SLC20A2: variants seen among roughly 807,000 people sequenced by gnomAD.
SLC20A2 encodes the protein sodium-dependent phosphate transporter 2.
Under a neutral mutation model 61.0 loss-of-function variants are expected in SLC20A2, and 30 were observed. The ratio of observed to expected loss-of-function variants is 0.49; its 90% CI spans 0.37 to 0.67. SLC20A2 has a LOEUF of 0.67. Ranked by LOEUF, SLC20A2 falls within the 30% of genes least tolerant of loss-of-function variation. The pLI, the probability that SLC20A2 is intolerant of heterozygous loss-of-function variation, is 0.00. For missense variants in SLC20A2, 626 were observed against 866.4 expected (o/e 0.72, Z 3.48); for synonymous variants, 351 against 353.3 (o/e 0.99, Z 0.07).
At chr8:42,464,835 C>A (rs183920661) in intron 3 of SLC20A2, among the ~76,000 whole-genome samples, 1 of 151,712 alleles carries the variant, frequency 6.6e-6, no homozygotes, top group Admixed American at 6.6e-5. Context: ...ATGAGCTGGG[C>A]GTGGTGGCAT....
At chr8:42,514,524 G>A (rs903779663) in intron 1 of SLC20A2, among the ~76,000 whole-genome samples, 10 of 152,134 alleles carry the variant, frequency 6.6e-5, no homozygotes, top group Non-Finnish European at 1.3e-4. Flanking sequence ...TTGGGAGGCC[G>A]AGGCAGGTGG....
chr8:42,522,746 C>G (rs1246859063), intron 1 of SLC20A2, among the ~76,000 whole-genome samples: 1 of 147,666 alleles, frequency 6.8e-6, no homozygotes, highest in African/African-American at 2.4e-5. Context: ...GTTCTGTCAC[C>G]CAGGTTGGAG....
chr8:42,492,709 G>A (rs937453218), intron 1 of SLC20A2, among the ~76,000 whole-genome samples: 3 of 149,218 alleles, frequency 2.0e-5, no homozygotes, highest in Admixed American at 2.0e-4. Flanking sequence ...TTTTTTTTGA[G>A]ACGGAGTTTC....
rs148941675 is a variant in SLC20A2 at position 42,493,764 on chromosome 8, C to A, written c.-265+7267G>T. Among the ~76,000 whole-genome samples the A allele has an allele frequency of 2.3e-3, 345 of 152,294 alleles. 4 individuals carry two copies. Among genetic ancestry groups the A allele is most frequent in the African/African-American group, 7.8e-3 (325 of 41,546 alleles). ...TAACAGAATTAACCTTTTTCAATGA[C>A]CAGTACACATCAGTTTACGTGGGTG... On this transcript the variant is annotated intron_variant, in intron 1 of 10. Transcript: ENST00000520262.
chr8:42,533,654 C>CTTTTTTTCTTTCTTTTTTTTT (rs1253260874), intron 1 of SLC20A2, among the ~76,000 whole-genome samples: 1 of 55,310 alleles, frequency 1.8e-5, no homozygotes, highest in Non-Finnish European at 3.3e-5. Context: ...ATCAACTGTT[C>CTTTTTTTCTTTCTTTTTTTTT]TTTTTTTTTT....
At chr8:42,455,294 C>T (rs1284711116) in intron 5 of SLC20A2, among the ~76,000 whole-genome samples, 2 of 119,806 alleles carry the variant, frequency 1.7e-5, no homozygotes, top group Non-Finnish European at 3.5e-5. Flanking sequence ...AGAGAGAGAG[C>T]GTGCGCATGC....
At chr8:42,419,958 C>A (rs1195110576) in intron 10 of SLC20A2, among the ~76,000 whole-genome samples, 1 of 152,106 alleles carries the variant, frequency 6.6e-6, no homozygotes, top group African/African-American at 2.4e-5. Flanking sequence ...GAGGCCAAGG[C>A]GGGCGGATAC....
chr8:42,441,773 G>C (rs968152384), intron 6 of SLC20A2, among the ~76,000 whole-genome samples: 2 of 151,658 alleles, frequency 1.3e-5, no homozygotes, highest in South Asian at 2.1e-4. Flanking sequence ...GGCCTATTTT[G>C]CTCATTTTTT....
At chr8:42,484,752 TG>T in intron 1 of SLC20A2, 2 of 350,538 alleles carry the variant, frequency 5.7e-6, no homozygotes, top group South Asian at 5.3e-5. Context: ...GAGCCTGACT[TG>T]GGAGGGCAGC....
intron 1 of SLC20A2, chr8:42,484,826 G>A (rs1586173060): frequency 3.0e-5 from 10 of 331,476 alleles, no homozygotes; most frequent in East Asian, 8.9e-5. Flanking sequence ...TCCAGACCCC[G>A]AGGGCATCCA....
chr8:42,508,686 C>T (rs750247214), intron 1 of SLC20A2, among the ~76,000 whole-genome samples: 6 of 152,064 alleles, frequency 3.9e-5, no homozygotes, highest in Admixed American at 6.6e-5. Context: ...CCACCACACC[C>T]GGCCTGGGAG....
chr8:42,428,936 G>A, intron 9 of SLC20A2, 94 bp from the exon 10 acceptor site: 1 of 1,004,982 alleles, frequency 1.0e-6, no homozygotes, highest in Middle Eastern at 2.1e-4. Context: ...ACATTCTCTG[G>A]GGTGACTGCC....
At chr8:42,433,356 C>T (rs1304839628) in intron 8 of SLC20A2, among the ~76,000 whole-genome samples, 1 of 152,088 alleles carries the variant, frequency 6.6e-6, no homozygotes, top group Non-Finnish European at 1.5e-5. Context: ...TGGAGTCTTG[C>T]TTGGTTGCCC....
At chr8:42,539,126 G>A (rs1403120976) in intron 1 of SLC20A2, among the ~76,000 whole-genome samples, 3 of 152,142 alleles carry the variant, frequency 2.0e-5, no homozygotes, top group South Asian at 4.1e-4. Context: ...ATGCCTTTAA[G>A]TAAAGAAACC....
At chr8:42,528,142 T>C (rs189785899) in intron 1 of SLC20A2, among the ~76,000 whole-genome samples, 2 of 152,260 alleles carry the variant, frequency 1.3e-5, no homozygotes, top group African/African-American at 4.8e-5. Context: ...AGGATATTGA[T>C]AGAGTACTCC....
intron 1 of SLC20A2, among the ~76,000 whole-genome samples, chr8:42,475,034 T>A (rs74572060): frequency 0.015 from 2,260 of 152,054 alleles, 50 homozygotes; most frequent in South Asian, 0.083. Context: ...GTGGGTCTGG[T>A]TAAAGACTGG....
intron 1 of SLC20A2, among the ~76,000 whole-genome samples, chr8:42,488,396 G>A (rs1404002329): frequency 1.3e-5 from 2 of 151,678 alleles, no homozygotes; most frequent in Non-Finnish European, 2.9e-5. Context: ...CAGCATGTTG[G>A]TCAGGCTGGT....
intron 1 of SLC20A2, among the ~76,000 whole-genome samples, chr8:42,483,629 C>T (rs1251599635): frequency 6.6e-6 from 1 of 152,228 alleles, no homozygotes; most frequent in African/African-American, 2.4e-5. Context: ...CTCCTTTCTT[C>T]CTTTCCGTAT....
rs76271815 is a variant in SLC20A2, at chr8:42,435,372, G to A, written c.1523+1617C>T. The stretch of plus-strand genomic sequence containing the variant: ...AAAGGTCAGTGGACTCACCATGACC[G>A]TGATGGCAAGAGCAGAAACGGACAG... On this transcript the variant is annotated intron_variant, in intron 8 of 10. Transcript: ENST00000520262. Among the ~76,000 whole-genome samples the A allele has an allele frequency of 5.3e-5, 8 of 152,304 alleles. No homozygotes were observed. The South Asian group carries it at 6.2e-4, about 12-fold the overall frequency.
Sources: allele counts gnomAD v4.1 joint callset (sites outside exome capture counted in the v4.1 genomes callset), GRCh38; gene constraint gnomAD v4.1.1; transcripts MANE v1.5; gene names NCBI Gene and HGNC (gene_info 2026-07-23, HGNC 2026-07-21).